The following COL19A1 variants were observed in gnomAD, a reference collection of about 807,000 sequenced individuals.
COL19A1 encodes collagen alpha-1(XIX) chain.
In COL19A1, 159 loss-of-function variants were observed where a neutral mutation model predicts 190.2. The observed-to-expected ratio is 0.84, with a 90% CI of 0.73 to 0.95. The LOEUF (loss-of-function observed/expected upper bound fraction) is 0.95. Among genes scored for constraint, COL19A1 ranks in the 40% least tolerant of loss-of-function variants. The pLI is 0.00. For missense variants in COL19A1, 1,418 were observed against 1,431.9 expected (o/e 0.99, Z 0.16); for synonymous variants, 509 against 458.9 (o/e 1.11, Z -1.39).
chr6:69,932,085 TTTTTC>T (rs1772796773), intron 6 of COL19A1, among the ~76,000 whole-genome samples: 1 of 152,114 alleles, frequency 6.6e-6, no homozygotes, highest in African/African-American at 2.4e-5. Context: ...TACTATTTAC[TTTTTC>T]TTAGGTGTTG....
intron 1 of COL19A1, among the ~76,000 whole-genome samples, chr6:69,869,130 T>A (rs1192414729): frequency 1.3e-5 from 2 of 151,526 alleles, no homozygotes; most frequent in Non-Finnish European, 2.9e-5. Context: ...AGAGAATAAC[T>A]AGCTTAGCAG....
chr6:70,201,007 A>G (rs550152), intron 49 of COL19A1, among the ~76,000 whole-genome samples: 53,555 of 152,030 alleles, frequency 0.35, 10,563 homozygotes, highest in African/African-American at 0.55. Context: ...CTCTATGTAT[A>G]CACTATTGTG....
chr6:70,126,484 T>C (rs761365811), intron 17 of COL19A1, among the ~76,000 whole-genome samples: 1 of 152,206 alleles, frequency 6.6e-6, no homozygotes, highest in Non-Finnish European at 1.5e-5. Context: ...GACTTTCAGA[T>C]GTTGGTTTGA....
chr6:70,074,498 C>CAAAAAAA (rs368408394), intron 15 of COL19A1, among the ~76,000 whole-genome samples: 76 of 97,068 alleles, frequency 7.8e-4, no homozygotes, highest in Admixed American at 1.5e-3. Context: ...GACTCCACCT[C>CAAAAAAA]AAAAAAAAAA....
chr6:70,139,029 C>T (rs986953957), intron 19 of COL19A1, among the ~76,000 whole-genome samples: 2 of 152,104 alleles, frequency 1.3e-5, no homozygotes, highest in Admixed American at 1.3e-4. Context: ...CCAACCTTCT[C>T]TTAATTTCCA....
At chr6:70,120,060 C>T (rs939332875) in intron 16 of COL19A1, among the ~76,000 whole-genome samples, 1 of 152,188 alleles carries the variant, frequency 6.6e-6, no homozygotes, top group African/African-American at 2.4e-5. Flanking sequence ...CACTGCACTC[C>T]AGCCTGGGTG....
intron 2 of COL19A1, chr6:69,879,956 C>A (rs778632832): frequency 2.0e-5 from 8 of 390,394 alleles, no homozygotes; most frequent in Non-Finnish European, 3.6e-5. Flanking sequence ...TGTATCTTTC[C>A]CTTTCCTCTT....
At chr6:70,040,230 T>C (rs1779568949) in intron 14 of COL19A1, among the ~76,000 whole-genome samples, 1 of 152,184 alleles carries the variant, frequency 6.6e-6, no homozygotes, top group South Asian at 2.1e-4. Context: ...TACTTTCTTT[T>C]ATAACTCGTT....
chr6:70,098,389 T>G (rs1293201801), intron 15 of COL19A1: 1 of 507,122 alleles, frequency 2.0e-6, no homozygotes, highest in Non-Finnish European at 3.9e-6. Flanking sequence ...ATTGAAATTC[T>G]TAAGATAAAC....
intron 16 of COL19A1, among the ~76,000 whole-genome samples, chr6:70,116,482 A>G (rs1337379396): frequency 6.6e-6 from 1 of 152,226 alleles, no homozygotes; most frequent in East Asian, 1.9e-4. Context: ...ACAAACATGT[A>G]CATAAGCCAC....
At chr6:69,870,262 A>C (rs1264839839) in intron 1 of COL19A1, among the ~76,000 whole-genome samples, 1 of 152,248 alleles carries the variant, frequency 6.6e-6, no homozygotes, top group Admixed American at 6.5e-5. Flanking sequence ...AATAAAATAC[A>C]ATCTGTTTTC....
intron 9 of COL19A1, among the ~76,000 whole-genome samples, chr6:69,943,056 G>A (rs1177622451): frequency 6.6e-6 from 1 of 151,842 alleles, no homozygotes; most frequent in Non-Finnish European, 1.5e-5. Flanking sequence ...AACTTTGGTA[G>A]CATTTTTTTT....
chr6:69,970,121 A>G (rs1775337355), intron 11 of COL19A1, among the ~76,000 whole-genome samples: 1 of 152,182 alleles, frequency 6.6e-6, no homozygotes, highest in African/African-American at 2.4e-5. Flanking sequence ...GTGTAAATAT[A>G]TGGAGAGGTG....
rs1319221284 is a variant in COL19A1 at position 70,017,932 on chromosome 6, G to A, written c.1027-5695G>A. ...TGCAGAGTGAGTGGGAGTAATGAAT[G>A]CAAACAGGAGTATTGGGAGCCTGGC... On this transcript the variant is annotated intron_variant, in intron 11 of 50. Coordinates refer to ENST00000620364, the MANE Select transcript of COL19A1 (RefSeq NM_001858.6). Among the ~76,000 whole-genome samples the A allele has an allele frequency of 2.6e-5, 4 of 152,090 alleles. No homozygotes were observed. In the South Asian group the frequency reaches 8.3e-4, roughly 31 times the overall value.
At chr6:70,119,967 T>G (rs1784792342) in intron 16 of COL19A1, among the ~76,000 whole-genome samples, 1 of 152,174 alleles carries the variant, frequency 6.6e-6, no homozygotes. Flanking sequence ...GGCACATGCC[T>G]GTAGTCCCAG....
At chr6:69,916,603 T>TG (rs1435804879) in intron 4 of COL19A1, among the ~76,000 whole-genome samples, 1 of 152,204 alleles carries the variant, frequency 6.6e-6, no homozygotes, top group Non-Finnish European at 1.5e-5. Flanking sequence ...CCACGTAGGA[T>TG]GTGCAAATGT....
chr6:70,130,232 ATTT>A lies in COL19A1; in HGVS notation c.1383+19_1383+21del, dbSNP rs746656077. On this transcript the variant is annotated intron_variant, in intron 18 of 50. Transcript: ENST00000620364. ...GCCTGAAAGGAGACAAGGTAATCAG[ATTT>A]TTTTTTTTTAGATGGAGTCTTGCTC... 3 of 1,296,942 alleles carry A rather than the reference ATTT, an allele frequency of 2.3e-6. No homozygotes were observed. Among genetic ancestry groups the A allele is most frequent in the South Asian group, 1.3e-5 (1 of 75,002 alleles). 80.3% of individuals were successfully genotyped at this position (1,296,942 alleles called of 1,614,324 possible). A position where few individuals can be genotyped will look rare whatever the true frequency, so the allele number is the denominator to read the frequency against.
At chr6:70,185,263 T>A (rs1375837452) in intron 46 of COL19A1, among the ~76,000 whole-genome samples, 1 of 152,222 alleles carries the variant, frequency 6.6e-6, no homozygotes, top group Non-Finnish European at 1.5e-5. Context: ...CTGTGATTAT[T>A]CAGGGGCAGA....
At chr6:70,069,237 T>C (rs763830748) in intron 15 of COL19A1, among the ~76,000 whole-genome samples, 9 of 152,140 alleles carry the variant, frequency 5.9e-5, no homozygotes, top group African/African-American at 2.2e-4. Flanking sequence ...AGAGTTTAGA[T>C]GATGTGCCTA....
Sources: gnomAD v4.1 joint callset for allele counts (sites outside exome capture counted in the v4.1 genomes callset) on GRCh38, gnomAD v4.1.1 for gene constraint, MANE v1.5 for transcripts, NCBI Gene and HGNC (gene_info 2026-07-23, HGNC 2026-07-21) for gene names.